The following CACNA2D3 variants were observed in gnomAD, a reference collection of about 807,000 sequenced individuals.
The protein encoded by CACNA2D3 is voltage-dependent calcium channel subunit alpha-2/delta-3.
CACNA2D3 carries 60 observed loss-of-function variants against 160.6 expected under a neutral mutation model. The observed-to-expected ratio is 0.37, with a 90% confidence interval of 0.30 to 0.46. The LOEUF (loss-of-function observed/expected upper bound fraction) is 0.46, where lower values mean the gene tolerates loss of function less well. CACNA2D3 is among the 20% of genes least tolerant of loss of function. The pLI is 1.00. For missense variants in CACNA2D3, 1,205 were observed against 1,365.0 expected (o/e 0.88, Z 1.85); for synonymous variants, 558 against 492.9 (o/e 1.13, Z -1.75).
chr3:54,506,456 A>C (rs571595004), intron 5 of CACNA2D3, among the ~76,000 whole-genome samples: 3 of 152,284 alleles, frequency 2.0e-5, no homozygotes, highest in African/African-American at 4.8e-5. Flanking sequence ...GTTCTAGATG[A>C]AACTAGCTGG....
intron 17 of CACNA2D3, among the ~76,000 whole-genome samples, chr3:54,869,775 T>G (rs1355987563): frequency 6.6e-6 from 1 of 152,320 alleles, no homozygotes; most frequent in East Asian, 1.9e-4. Flanking sequence ...CCGGTTGACC[T>G]CGTTGCTGTT....
intron 13 of CACNA2D3, among the ~76,000 whole-genome samples, chr3:54,804,122 C>T (rs551479079): frequency 1.1e-4 from 16 of 152,058 alleles, no homozygotes; most frequent in African/African-American, 1.7e-4. Context: ...TAAAGACCAT[C>T]GAGACTAGGA....
At chr3:55,066,024 C>G (rs1460623455) in intron 35 of CACNA2D3, among the ~76,000 whole-genome samples, 1 of 152,200 alleles carries the variant, frequency 6.6e-6, no homozygotes, top group Non-Finnish European at 1.5e-5. Context: ...AGAACACATA[C>G]AAAATAATTA....
intron 10 of CACNA2D3, among the ~76,000 whole-genome samples, chr3:54,636,137 G>A (rs532029257): frequency 6.6e-6 from 1 of 151,994 alleles, no homozygotes; most frequent in South Asian, 2.1e-4. Context: ...TTCCACGATG[G>A]AAAGGAAATG....
chr3:54,628,793 C>A (rs970189451), intron 10 of CACNA2D3, among the ~76,000 whole-genome samples: 4 of 152,122 alleles, frequency 2.6e-5, no homozygotes, highest in African/African-American at 9.7e-5. Context: ...GGCATCTCCT[C>A]TCTAGGGCAG....
At chr3:55,059,390 T>C (rs1383048916) in intron 35 of CACNA2D3, among the ~76,000 whole-genome samples, 2 of 152,250 alleles carry the variant, frequency 1.3e-5, no homozygotes, top group Non-Finnish European at 2.9e-5. Flanking sequence ...TGAGATGTTG[T>C]TGTATTGAAA....
At chr3:54,433,424 T>C (rs1303586297) in intron 4 of CACNA2D3, among the ~76,000 whole-genome samples, 1 of 152,228 alleles carries the variant, frequency 6.6e-6, no homozygotes, top group Non-Finnish European at 1.5e-5. Flanking sequence ...GAAATAGCTT[T>C]CCTTTGATCA....
intron 4 of CACNA2D3, among the ~76,000 whole-genome samples, chr3:54,394,247 T>C (rs1425444406): frequency 2.6e-5 from 4 of 151,902 alleles, no homozygotes; most frequent in African/African-American, 9.7e-5. Context: ...CTTAGCTGCT[T>C]GGTTGTGCCC....
chr3:54,640,241 A>T (rs1273424344), intron 10 of CACNA2D3, among the ~76,000 whole-genome samples: 1 of 152,104 alleles, frequency 6.6e-6, no homozygotes, highest in Non-Finnish European at 1.5e-5. Flanking sequence ...GAGGGAAGAG[A>T]TTTTTTTATG....
At chr3:54,476,760 T>C (rs1310477625) in intron 4 of CACNA2D3, among the ~76,000 whole-genome samples, 1 of 152,220 alleles carries the variant, frequency 6.6e-6, no homozygotes, top group Non-Finnish European at 1.5e-5. Flanking sequence ...GGTTGTTTGT[T>C]TTCTTGCTAT....
intron 4 of CACNA2D3, among the ~76,000 whole-genome samples, chr3:54,458,644 A>G (rs1327078961): frequency 6.6e-6 from 1 of 151,948 alleles, no homozygotes; most frequent in Non-Finnish European, 1.5e-5. Context: ...AGTGTGCCTC[A>G]GAGAGGACCT....
At chr3:54,514,733 A>G (rs933594777) in intron 5 of CACNA2D3, among the ~76,000 whole-genome samples, 4 of 151,930 alleles carry the variant, frequency 2.6e-5, no homozygotes, top group Middle Eastern at 3.4e-3. Context: ...GCCCGCTGCC[A>G]TCTGAAGGAT....
intron 4 of CACNA2D3, among the ~76,000 whole-genome samples, chr3:54,469,763 C>T (rs1700695983): frequency 6.6e-6 from 1 of 151,902 alleles, no homozygotes; most frequent in South Asian, 2.1e-4. Flanking sequence ...AAAAACACAG[C>T]ACGAGAACTT....
chr3:54,181,505 A>G (rs1054492776), intron 2 of CACNA2D3, among the ~76,000 whole-genome samples: 2 of 152,204 alleles, frequency 1.3e-5, no homozygotes, highest in African/African-American at 4.8e-5. Flanking sequence ...TTCCAAATAT[A>G]TTCTTGGGTT....
intron 3 of CACNA2D3, among the ~76,000 whole-genome samples, chr3:54,336,532 A>C (rs901577568): frequency 4.6e-5 from 7 of 152,228 alleles, no homozygotes; most frequent in African/African-American, 1.4e-4. Flanking sequence ...TCACACGCTC[A>C]TAGCTGTCTA....
intron 12 of CACNA2D3, among the ~76,000 whole-genome samples, chr3:54,761,654 G>A (rs1418515147): frequency 6.6e-6 from 1 of 152,210 alleles, no homozygotes; most frequent in African/African-American, 2.4e-5. Flanking sequence ...CCTGCTCCCA[G>A]GTCTCAAACT....
At chr3:54,819,573 A>G (rs1318299591) in intron 14 of CACNA2D3, among the ~76,000 whole-genome samples, 2 of 152,164 alleles carry the variant, frequency 1.3e-5, no homozygotes, top group East Asian at 3.9e-4. Flanking sequence ...TGGGCCAGGC[A>G]TGGTGGCTCA....
chr3:54,912,305 G>A (rs1700573863), intron 27 of CACNA2D3, among the ~76,000 whole-genome samples: 1 of 152,080 alleles, frequency 6.6e-6, no homozygotes, highest in Admixed American at 6.5e-5. Context: ...GAGTCACTAG[G>A]TCCAGCCCAC....
At chr3:54,197,117 G>C (rs1430196698) in intron 2 of CACNA2D3, among the ~76,000 whole-genome samples, 1 of 152,058 alleles carries the variant, frequency 6.6e-6, no homozygotes, top group South Asian at 2.1e-4. Flanking sequence ...GTCCAGGTTG[G>C]TTTTGAGCTC....
Sources: gnomAD v4.1 joint callset for allele counts (sites outside exome capture counted in the v4.1 genomes callset) on GRCh38, gnomAD v4.1.1 for gene constraint, MANE v1.5 for transcripts, NCBI Gene and HGNC (gene_info 2026-07-23, HGNC 2026-07-21) for gene names.